Variants in RBFOX1 observed in about 807,000 individuals in gnomAD.
RBFOX1 encodes RNA binding fox-1 homolog 1.
In RBFOX1, 8 loss-of-function variants were observed where a neutral mutation model predicts 57.7. The observed-to-expected ratio is 0.14, with a 90% CI of 0.08 to 0.25. The LOEUF is 0.25. RBFOX1 is among the 10% of genes least tolerant of loss of function. The pLI is 1.00. For synonymous variants in RBFOX1, 326 were observed against 222.4 expected (o/e 1.47, Z -4.15); for missense variants, 611 against 548.5 (o/e 1.11, Z -1.14).
rs549188534 is a variant in RBFOX1, at chr16:7,239,162, G to A, written c.27+187064G>A. On this transcript the variant is annotated intron_variant, in intron 4 of 15. Transcript: ENST00000550418. ...TTGCCTTTCCTAAACCATGCAGTTT[G>A]ATATATGATGAGGCTACTTCTACCA... Among the ~76,000 whole-genome samples the A allele has an allele frequency of 2.6e-5, 4 of 152,204 alleles. No homozygotes were observed. The East Asian group carries it at 7.7e-4, about 29-fold the overall frequency.
At chr16:6,449,851 A>T (rs921844591) in intron 2 of RBFOX1, among the ~76,000 whole-genome samples, 1 of 152,182 alleles carries the variant, frequency 6.6e-6, no homozygotes, top group Non-Finnish European at 1.5e-5. Flanking sequence ...AATCTGCAGG[A>T]AAGTGGATAT....
At chr16:7,266,189 A>G (rs1407381847) in intron 4 of RBFOX1, among the ~76,000 whole-genome samples, 5 of 151,660 alleles carry the variant, frequency 3.3e-5, no homozygotes, top group African/African-American at 1.2e-4. Flanking sequence ...GTTACCCAAG[A>G]TAGTGTGGAT....
chr16:5,964,188 C>A (rs186926175), intron 4 of RBFOX1, among the ~76,000 whole-genome samples: 47 of 152,178 alleles, frequency 3.1e-4, no homozygotes, highest in South Asian at 2.7e-3. Flanking sequence ...AAATCAAAAC[C>A]GTAATGAGAT....
At chr16:5,722,377 T>G (rs1360410710) in intron 3 of RBFOX1, among the ~76,000 whole-genome samples, 1 of 152,226 alleles carries the variant, frequency 6.6e-6, no homozygotes, top group Admixed American at 6.5e-5. Context: ...TGCTTTCTAT[T>G]GAAATATGTT....
intron 3 of RBFOX1, among the ~76,000 whole-genome samples, chr16:6,733,222 G>T (rs540133233): frequency 1.3e-5 from 2 of 152,290 alleles, no homozygotes; most frequent in Non-Finnish European, 2.9e-5. Flanking sequence ...ATTAGCAGGT[G>T]CCAGAGCCCT....
At chr16:5,415,895 T>C (rs1332456770) in intron 1 of RBFOX1, among the ~76,000 whole-genome samples, 5 of 152,110 alleles carry the variant, frequency 3.3e-5, no homozygotes, top group Admixed American at 2.0e-4. Flanking sequence ...AAGGGAAGCA[T>C]AGATGAGTCT....
chr16:5,355,759 T>C (rs539375302), intron 1 of RBFOX1, among the ~76,000 whole-genome samples: 14 of 152,276 alleles, frequency 9.2e-5, no homozygotes, highest in African/African-American at 3.4e-4. Context: ...TGGTCCTGGA[T>C]TTAGGGTAAG....
chr16:5,414,854 G>A (rs1182163354), intron 1 of RBFOX1, among the ~76,000 whole-genome samples: 1 of 152,184 alleles, frequency 6.6e-6, no homozygotes, highest in Non-Finnish European at 1.5e-5. Context: ...TCTTCTTGAG[G>A]AAGTTAAGGA....
intron 4 of RBFOX1, among the ~76,000 whole-genome samples, chr16:5,925,030 C>T (rs927296760): frequency 2.6e-5 from 4 of 152,132 alleles, no homozygotes; most frequent in African/African-American, 2.4e-5. Context: ...TATCTGATGC[C>T]TTTTAGCACA....
At chr16:7,162,933 G>T (rs370083684) in intron 4 of RBFOX1, among the ~76,000 whole-genome samples, 25 of 152,100 alleles carry the variant, frequency 1.6e-4, no homozygotes, top group African/African-American at 4.1e-4. Flanking sequence ...TTTTCTTCCC[G>T]TTTTGGCCAT....
chr16:7,372,423 C>G (rs564333996), intron 4 of RBFOX1, among the ~76,000 whole-genome samples: 1 of 152,258 alleles, frequency 6.6e-6, no homozygotes, highest in South Asian at 2.1e-4. Context: ...CTCCTTATGC[C>G]TCTTTATTTC....
intron 4 of RBFOX1, among the ~76,000 whole-genome samples, chr16:7,114,642 G>C (rs1379700896): frequency 3.9e-5 from 6 of 152,088 alleles, no homozygotes; most frequent in Admixed American, 3.3e-4. Context: ...TTTTCTTCCT[G>C]GGCTGAGAAG....
intron 3 of RBFOX1, among the ~76,000 whole-genome samples, chr16:5,791,117 G>A (rs12925876): frequency 6.6e-6 from 1 of 151,950 alleles, no homozygotes; most frequent in African/African-American, 2.4e-5. Context: ...ATCCGCCTGC[G>A]TTGGTCTCCT....
At chr16:5,764,294 C>G (rs1490036540) in intron 3 of RBFOX1, among the ~76,000 whole-genome samples, 1 of 152,180 alleles carries the variant, frequency 6.6e-6, no homozygotes, top group East Asian at 1.9e-4. Flanking sequence ...CGGCATTCTG[C>G]CTCAATGCTG....
At chr16:6,667,591 C>G (rs140841875) in intron 3 of RBFOX1, among the ~76,000 whole-genome samples, 2,681 of 152,200 alleles carry the variant, frequency 0.018, 33 homozygotes, top group Admixed American at 0.033. Context: ...CCTTGAATAA[C>G]TGCAAGCTGG....
chr16:6,084,966 G>T (rs796544011), intron 1 of RBFOX1, among the ~76,000 whole-genome samples: 11 of 152,298 alleles, frequency 7.2e-5, no homozygotes, highest in African/African-American at 2.4e-4. Context: ...GCTTGATAGT[G>T]ATCAGAGTTC....
In RBFOX1 at chr16:5,582,976, C is replaced by T. The variant is rs530546243; in HGVS notation, c.259-15926C>T. Among the ~76,000 whole-genome samples the T allele has an allele frequency of 3.9e-5, 6 of 152,294 alleles. No homozygotes were observed. In the East Asian group the frequency reaches 1.2e-3, roughly 29 times the overall value. On this transcript the variant is annotated intron_variant, in intron 2 of 2. Coordinates refer to the RBFOX1 transcript ENST00000585867. ...GCCAGGCTCTATTGTGAGACCTTTACAGACATTAACTCATTTAACTTCTCA... is the reference window on the plus strand; with the variant it reads ...GCCAGGCTCTATTGTGAGACCTTTATAGACATTAACTCATTTAACTTCTCA...
intron 1 of RBFOX1, among the ~76,000 whole-genome samples, chr16:5,342,000 C>T (rs1365293093): frequency 6.6e-6 from 1 of 152,088 alleles, no homozygotes; most frequent in African/African-American, 2.4e-5. Context: ...CAAGTTTGTT[C>T]CCCTCCTTCT....
intron 10 of RBFOX1, among the ~76,000 whole-genome samples, chr16:7,627,982 A>C (rs1035445019): frequency 2.0e-5 from 3 of 152,026 alleles, no homozygotes; most frequent in African/African-American, 4.8e-5. Context: ...CTCAGAATCC[A>C]CAGCATTAAA....
Sources: allele counts gnomAD v4.1 joint callset (sites outside exome capture counted in the v4.1 genomes callset), GRCh38; gene constraint gnomAD v4.1.1; transcripts MANE v1.5; gene names NCBI Gene and HGNC (gene_info 2026-07-23, HGNC 2026-07-21).